The following SLC13A4 variants were observed in gnomAD, a reference collection of about 807,000 sequenced individuals.
SLC13A4 encodes Na(+)/sulfate cotransporter SUT-1.
A neutral mutation model predicts 72.7 loss-of-function variants in SLC13A4; 28 were observed. That is an observed-to-expected ratio of 0.39 (90% CI 0.29 to 0.53). SLC13A4 has a LOEUF of 0.53. SLC13A4 is among the 20% of genes least tolerant of loss of function. The pLI, the probability that SLC13A4 is intolerant of heterozygous loss-of-function variation, is 0.78. For missense variants in SLC13A4, 653 were observed against 788.0 expected, an observed-to-expected ratio of 0.83 and a Z score of 2.05; for synonymous variants, 312 against 325.5, an observed-to-expected ratio of 0.96 and a Z score of 0.45.
intron 2 of SLC13A4, among the ~76,000 whole-genome samples, chr7:135,715,295 G>C (rs1483901256): frequency 2.8e-5 from 4 of 144,632 alleles, no homozygotes; most frequent in South Asian, 4.3e-4. Context: ...GTGTGTGAGT[G>C]TACGTATATC....
chr7:135,691,712 G>T, intron 11 of SLC13A4, 67 bp from the exon 12 acceptor site: 1 of 1,123,584 alleles, frequency 8.9e-7, no homozygotes, highest in Non-Finnish European at 1.3e-6. Flanking sequence ...TGATGTCTCG[G>T]AGCAGTCTGT....
intron 2 of SLC13A4, among the ~76,000 whole-genome samples, chr7:135,715,983 C>T (rs3112358): frequency 0.18 from 27,342 of 152,180 alleles, 2,746 homozygotes; most frequent in Admixed American, 0.3. Context: ...TCTAGTGTAT[C>T]TGGCATGGTC....
chr7:135,706,435 G>C lies in SLC13A4; in HGVS notation c.366-135C>G, dbSNP rs200447231. On this transcript the variant is annotated intron_variant, in intron 3 of 15. Transcript: ENST00000682651. Reference sequence around the variant, plus strand: ...GAAAGGCAGGCATTTGTCCTGCAGGGTGCCATTCAGCTCTGTACTCCCAAT... The same window carrying C: ...GAAAGGCAGGCATTTGTCCTGCAGGCTGCCATTCAGCTCTGTACTCCCAAT... 9 of 829,772 alleles carry C rather than the reference G, an allele frequency of 1.1e-5. No individual in the cohort carries two copies. In the East Asian group the frequency reaches 2.1e-4, roughly 20 times the overall value. The allele number at this position is 829,772 out of a possible 1,614,324, so 51.4% of individuals were successfully genotyped here. A position where few individuals can be genotyped will look rare whatever the true frequency, so the allele number is the denominator to read the frequency against.
chr7:135,719,773 A>C (rs1320736915), intron 2 of SLC13A4, among the ~76,000 whole-genome samples: 5 of 139,160 alleles, frequency 3.6e-5, no homozygotes, highest in African/African-American at 1.4e-4. Context: ...ATGGCTACTC[A>C]ATGCCACATG....
intron 2 of SLC13A4, among the ~76,000 whole-genome samples, chr7:135,709,222 CACCCGGCCTTA>C (rs1482748146): frequency 2.0e-5 from 3 of 151,944 alleles, no homozygotes; most frequent in Non-Finnish European, 4.4e-5. Context: ...TGAGCCAGCG[CACCCGGCCTTA>C]ATTTTAAAAA....
At chr7:135,701,522 C>T (rs2129494493) in intron 7 of SLC13A4, among the ~76,000 whole-genome samples, 158 bp downstream of exon 7, 1 of 152,174 alleles carries the variant, frequency 6.6e-6, no homozygotes, top group African/African-American at 2.4e-5. Context: ...TGATGTCTCA[C>T]CTCCATGGCG....
intron 5 of SLC13A4, chr7:135,703,458 G>C (rs1192564607): frequency 1.3e-5 from 2 of 154,468 alleles, no homozygotes; most frequent in Admixed American, 6.4e-5. Flanking sequence ...GAGGTGACAG[G>C]AGCAGGGAGG....
chr7:135,701,627 C>A, intron 7 of SLC13A4, 53 bp downstream of exon 7: 1 of 1,559,286 alleles, frequency 6.4e-7, no homozygotes, highest in Non-Finnish European at 8.8e-7. Flanking sequence ...CCTTGGGAAG[C>A]AGTTCACAGC....
At position 135,721,472 on chromosome 7, in the gene SLC13A4, C is replaced by T. The variant is rs952965839; in HGVS notation, c.151G>A (p.Glu51Lys). ...LIVTAVYWVS[E>K]AVPLGAAALV... ...GCTGCAGCTCCCAGAGGCACTGCCT[C>T]CGACACCCAGTACACAGCAGTCACG... The change falls in exon 2 of 16, where the codon GAG becomes AAG. Residue 51 changes from glutamate (E) to lysine (K), a missense_variant. Transcript: ENST00000682651. 6.2e-7 allele frequency: 1 copy of T among 1,614,166 alleles called. No individual in the cohort carries two copies. The highest frequency in any genetic ancestry group is 8.5e-7 in the Non-Finnish European group (1 of 1,180,016).
In SLC13A4 at chr7:135,695,447, A is replaced by G. The variant is rs1369357375; in HGVS notation, c.940T>C (p.Phe314Leu). ...AGGGATATGGGGAAGCTGAAGAGGAACCAGGTGCCAAAGTTCACCACCTCT... is the reference window on the plus strand; with the variant it reads ...AGGGATATGGGGAAGCTGAAGAGGAGCCAGGTGCCAAAGTTCACCACCTCT... Reference protein sequence around the residue: ...AAEVVNFGTWFLFSFPISLIM... With the variant: ...AAEVVNFGTWLLFSFPISLIM... Residue 314 changes from phenylalanine to leucine, a missense_variant, in exon 9 of 16, where the codon TTC becomes CTC. Transcript: ENST00000682651. 2 of 1,614,192 alleles carry G rather than the reference A, an allele frequency of 1.2e-6. No individual in the cohort carries two copies. Among genetic ancestry groups the G allele is most frequent in the South Asian group, 1.1e-5 (1 of 91,086 alleles).
rs796453706 is a variant in SLC13A4, at chr7:135,697,586, CTTTTTTT to C, written c.899+1771_899+1777del. ...GGTTTCTCCTTTCCAATCTGTTCTC[CTTTTTTT>C]TTTTTTTTTCTTTTTCATCCAGAAT... On this transcript the variant is annotated intron_variant, in intron 8 of 15. Coordinates refer to ENST00000682651, the MANE Select transcript of SLC13A4 (RefSeq NM_001318192.2). Among the ~76,000 whole-genome samples the C allele has an allele frequency of 4.0e-3, 546 of 135,458 alleles. 4 individuals are homozygous for C. The highest frequency in any genetic ancestry group is 0.014 in the African/African-American group (506 of 36,838). The allele number at this position is 135,458 out of a possible 152,430, so 88.9% of individuals were successfully genotyped here.
At position 135,686,058 on chromosome 7, in the gene SLC13A4, C is replaced by T. The variant is rs150045643; in HGVS notation, c.1447-375G>A. Among the ~76,000 whole-genome samples the T allele has an allele frequency of 1.1e-3, 161 of 152,308 alleles. 1 individual carries two copies. Among genetic ancestry groups the T allele is most frequent in the African/African-American group, 3.7e-3 (152 of 41,562 alleles). Reference sequence around the variant, plus strand: ...GACATCCTTACCCTGTGCATTGATTCGACAATGCCCTTCACAGAGTGCCAA... The same window carrying T: ...GACATCCTTACCCTGTGCATTGATTTGACAATGCCCTTCACAGAGTGCCAA... On this transcript the variant is annotated intron_variant, in intron 13 of 15. Transcript: ENST00000682651.
Position 135,708,251 on chromosome 7 carries a change from C to G in SLC13A4, c.229-1G>C. On this transcript the variant is annotated splice_acceptor_variant, in intron 2 of 15. Transcript: ENST00000682651. LOFTEE classifies it high-confidence loss of function. ...TGTTCTTGAAGTACTCCGCCGCCAC[C>G]TGTAGGGAGGCCAGGCATGTCAGTC... The G allele has an allele frequency of 6.2e-7, 1 of 1,614,200 alleles. No individual in the cohort carries two copies. The highest frequency in any genetic ancestry group is 8.5e-7 in the Non-Finnish European group (1 of 1,180,024).
At chr7:135,713,379 G>A (rs1796346228) in intron 2 of SLC13A4, among the ~76,000 whole-genome samples, 1 of 152,044 alleles carries the variant, frequency 6.6e-6, no homozygotes, top group Non-Finnish European at 1.5e-5. Context: ...CCCTTGACAA[G>A]GAATAGCTAT....
intron 3 of SLC13A4, 89 bp downstream of exon 3, chr7:135,708,025 C>T (rs1186542842): frequency 9.3e-6 from 14 of 1,502,118 alleles, no homozygotes; most frequent in Non-Finnish European, 1.3e-5. Flanking sequence ...CTGAAGTGGA[C>T]ATCCCGCAGT....
At chr7:135,715,534 A>AGT (rs57337353) in intron 2 of SLC13A4, among the ~76,000 whole-genome samples, 45,688 of 151,486 alleles carry the variant, frequency 0.3, 7,330 homozygotes, top group Admixed American at 0.38. Context: ...AGTGTGTGCC[A>AGT]GTGTGTGTGC....
At chr7:135,718,188 G>A (rs1018147218) in intron 2 of SLC13A4, among the ~76,000 whole-genome samples, 3 of 151,994 alleles carry the variant, frequency 2.0e-5, no homozygotes, top group Non-Finnish European at 4.4e-5. Flanking sequence ...GCTCAGATAC[G>A]AGATTCAAGA....
chr7:135,685,450 C>T (rs1245033954), intron 14 of SLC13A4, 72 bp downstream of exon 14: 1 of 1,433,058 alleles, frequency 7.0e-7, no homozygotes, highest in South Asian at 1.2e-5. Context: ...CGGAAGCTGC[C>T]CTGAGCCAGG....
rs188858511 is a variant in SLC13A4, at chr7:135,727,723, T to C, written c.-227A>G. The C allele has an allele frequency of 4.1e-6, 2 of 485,794 alleles. No homozygotes were observed. Among genetic ancestry groups the C allele is most frequent in the Admixed American group, 3.5e-5 (1 of 28,174 alleles). 30.1% of individuals were successfully genotyped at this position (485,794 alleles called of 1,614,324 possible). A position where few individuals can be genotyped will look rare whatever the true frequency, so the allele number is the denominator to read the frequency against. ...TAGGTGGGATTGATGAGCATCGTTTTGTGACCAGCAAAAAGGAACTGGGAA... is the reference window on the plus strand; with the variant it reads ...TAGGTGGGATTGATGAGCATCGTTTCGTGACCAGCAAAAAGGAACTGGGAA... On this transcript the variant is annotated 5_prime_UTR_variant, in exon 1 of 16. Coordinates refer to ENST00000682651, the MANE Select transcript of SLC13A4 (RefSeq NM_001318192.2).
Sources: allele counts gnomAD v4.1 joint callset (sites outside exome capture counted in the v4.1 genomes callset), GRCh38; gene constraint gnomAD v4.1.1; transcripts MANE v1.5; gene names NCBI Gene and HGNC (gene_info 2026-07-23, HGNC 2026-07-21).